WDR19: variants seen among roughly 807,000 people sequenced by gnomAD.
WDR19 encodes WD repeat-containing protein 19.
A neutral mutation model predicts 180.0 loss-of-function variants in WDR19; 121 were observed. The observed-to-expected ratio is 0.67, with a 90% CI of 0.58 to 0.78. The LOEUF is 0.78. WDR19 is among the 30% of genes least tolerant of loss of function. The probability of loss-of-function intolerance (pLI) is 0.00; values close to 1 mark genes in which losing one functional copy is unlikely to be tolerated. For missense variants in WDR19, 1,450 were observed against 1,640.7 expected, an observed-to-expected ratio of 0.88 and a Z score of 2.01; for synonymous variants, 497 against 540.7, an observed-to-expected ratio of 0.92 and a Z score of 1.12.
chr4:39,221,221 G>A (rs1337988329), intron 14 of WDR19, among the ~76,000 whole-genome samples: 1 of 152,010 alleles, frequency 6.6e-6, no homozygotes, highest in Non-Finnish European at 1.5e-5. Context: ...AGTTTATAGA[G>A]CCCTGATCTC....
chr4:39,244,314 G>C lies in WDR19; in HGVS notation c.2488G>C (p.Gly830Arg). ...CATAAGAATGGGAGACATACGTCGAGGGGTTAACCAAGCCCTCAAGCATCC... is the reference window on the plus strand; with the variant it reads ...CATAAGAATGGGAGACATACGTCGACGGGTTAACCAAGCCCTCAAGCATCC... ...MSIRMGDIRR[G>R]VNQALKHPSR... The change falls in exon 22 of 37, where the codon GGG becomes CGG. Residue 830 changes from glycine (G) to arginine (R), a missense_variant. Gly to Arg is a moderately radical substitution (Grantham distance 125). Transcript: ENST00000399820. 6.2e-7 allele frequency: 1 copy of C among 1,613,956 alleles called. No individual in the cohort carries two copies. The highest frequency in any genetic ancestry group is 8.5e-7 in the Non-Finnish European group (1 of 1,179,866).
rs1188714968 is a variant in WDR19 at position 39,185,960 on chromosome 4, A to G, written c.98+143A>G. On this transcript the variant is annotated intron_variant, in intron 2 of 36. Transcript: ENST00000399820. ...GCCCAGGATGGAGTGCAGTGGCACG[A>G]TCTCAGCTTGCTGCAACCTCCGCCT... The G allele has an allele frequency of 4.5e-6, 3 of 671,724 alleles. No homozygotes were observed. The African/African-American group carries it at 5.5e-5, about 12-fold the overall frequency. 41.6% of individuals were successfully genotyped at this position (671,724 alleles called of 1,614,324 possible).
At chr4:39,246,067 T>G (rs1732487549) in intron 24 of WDR19, among the ~76,000 whole-genome samples, 1 of 152,168 alleles carries the variant, frequency 6.6e-6, no homozygotes, top group South Asian at 2.1e-4. Flanking sequence ...GAAACACAAT[T>G]ATGAAATTGT....
chr4:39,243,994 G>A (rs1472907397), intron 21 of WDR19, among the ~76,000 whole-genome samples: 1 of 151,986 alleles, frequency 6.6e-6, no homozygotes, highest in East Asian at 1.9e-4. Flanking sequence ...AAAGACATAT[G>A]AGGGATAGTA....
chr4:39,270,363 T>G (rs1035968717), intron 31 of WDR19, among the ~76,000 whole-genome samples: 1 of 152,116 alleles, frequency 6.6e-6, no homozygotes. Context: ...GTGCATCTTA[T>G]TATAGTGTGT....
At chr4:39,202,864 T>G (rs138966793) in intron 6 of WDR19, among the ~76,000 whole-genome samples, 1 of 152,234 alleles carries the variant, frequency 6.6e-6, no homozygotes, top group South Asian at 2.1e-4. Context: ...AGTTTTGTAA[T>G]TTTGAATTAT....
intron 28 of WDR19, among the ~76,000 whole-genome samples, chr4:39,264,688 T>C (rs1734611221): frequency 6.6e-6 from 1 of 152,142 alleles, no homozygotes; most frequent in Admixed American, 6.6e-5. Flanking sequence ...CAGTGTTCCT[T>C]CCCCTAAGCT....
intron 10 of WDR19, among the ~76,000 whole-genome samples, chr4:39,215,203 C>T (rs1039413752): frequency 6.6e-6 from 1 of 152,104 alleles, no homozygotes; most frequent in Non-Finnish European, 1.5e-5. Flanking sequence ...GAATTTTATC[C>T]TAATTCTAAT....
chr4:39,214,568 T>C lies in WDR19; in HGVS notation c.891-33T>C, dbSNP rs182919629. On this transcript the variant is annotated intron_variant, in intron 9 of 36. Transcript: ENST00000399820. Reference sequence around the variant, plus strand: ...AAAACAGTTTTATATAAAGATCATATATATTTTTTAATAATGCATTTTTGT... The same window carrying C: ...AAAACAGTTTTATATAAAGATCATACATATTTTTTAATAATGCATTTTTGT... 7 of 1,264,656 alleles carry C rather than the reference T, an allele frequency of 5.5e-6. No homozygotes were observed. The East Asian group carries it at 1.7e-4, about 30-fold the overall frequency. 78.3% of individuals were successfully genotyped at this position (1,264,656 alleles called of 1,614,324 possible). A position where few individuals can be genotyped will look rare whatever the true frequency, so the allele number is the denominator to read the frequency against.
chr4:39,214,229 A>G (rs964212965), intron 9 of WDR19, among the ~76,000 whole-genome samples: 6 of 152,214 alleles, frequency 3.9e-5, no homozygotes, highest in African/African-American at 1.4e-4. Flanking sequence ...AACACATTGT[A>G]AAGAGAAACC....
intron 15 of WDR19, 109 bp downstream of exon 15, chr4:39,225,142 T>C (rs1730118051): frequency 2.5e-6 from 2 of 814,516 alleles, no homozygotes; most frequent in African/African-American, 3.6e-5. Context: ...TGCCAAGGAT[T>C]GTAGTTCTTT....
chr4:39,209,998 C>T (rs567027628), intron 9 of WDR19, among the ~76,000 whole-genome samples: 3 of 152,080 alleles, frequency 2.0e-5, no homozygotes, highest in Non-Finnish European at 2.9e-5. Context: ...TCTGGATTAG[C>T]CCTATAACTA....
In WDR19 at chr4:39,253,939, C is replaced by T; in HGVS notation, c.2910C>T (p.Ala970=). ...TACAGCTTGGTGACTATGGGTCTGC[C>T]ATCCAGTTTCTTGTCATGTCCAAAT... is the stretch of plus-strand genomic sequence containing the variant. The part of the protein sequence containing the change: ...FFLQLGDYGS[A]IQFLVMSKCN... The change falls in exon 26 of 37, where the codon GCC becomes GCT. Residue 970 remains alanine, a synonymous_variant. Coordinates refer to ENST00000399820, the MANE Select transcript of WDR19 (RefSeq NM_025132.4). 6.2e-7 allele frequency: 1 copy of T among 1,609,468 alleles called. No individual in the cohort carries two copies.
At chr4:39,282,521 C>G (rs1035238753) in intron 36 of WDR19, among the ~76,000 whole-genome samples, 14 of 152,134 alleles carry the variant, frequency 9.2e-5, no homozygotes, top group African/African-American at 3.1e-4. Flanking sequence ...CCTCAGCCCC[C>G]CAAGAAGCTG....
intron 33 of WDR19, 122 bp downstream of exon 33, chr4:39,275,080 C>A: frequency 8.1e-7 from 1 of 1,231,294 alleles, no homozygotes; most frequent in Non-Finnish European, 1.1e-6. Context: ...TGGCTCACAC[C>A]TATAATCCCA....
chr4:39,281,215 GTATA>G (rs1553919965), intron 36 of WDR19, among the ~76,000 whole-genome samples: 24 of 110,090 alleles, frequency 2.2e-4, no homozygotes, highest in African/African-American at 5.1e-4. Flanking sequence ...ATGTGTGTGT[GTATA>G]TATATATATA....
At chr4:39,220,417 C>T (rs965467613) in intron 14 of WDR19, among the ~76,000 whole-genome samples, 5 of 151,992 alleles carry the variant, frequency 3.3e-5, no homozygotes, top group African/African-American at 1.2e-4. Flanking sequence ...CTCCTGGGCT[C>T]AAGCAATCGT....
intron 15 of WDR19, among the ~76,000 whole-genome samples, chr4:39,227,559 GTA>G (rs1730404383): frequency 6.6e-6 from 1 of 152,080 alleles, no homozygotes; most frequent in Non-Finnish European, 1.5e-5. Flanking sequence ...CATTTATATT[GTA>G]TTAGGTATTA....
intron 6 of WDR19, 36 bp downstream of exon 6, chr4:39,199,629 A>C (rs762218198): frequency 2.6e-6 from 4 of 1,510,762 alleles, no homozygotes; most frequent in Non-Finnish European, 3.7e-6. Flanking sequence ...TGATATATTC[A>C]AGCTTTCCCC....
Sources: allele counts gnomAD v4.1 joint callset (sites outside exome capture counted in the v4.1 genomes callset), GRCh38; gene constraint gnomAD v4.1.1; transcripts MANE v1.5; gene names NCBI Gene and HGNC (gene_info 2026-07-23, HGNC 2026-07-21).